SBNO2: variants seen among roughly 807,000 people sequenced by gnomAD.
SBNO2 encodes the protein strawberry notch homolog 2.
Under a neutral mutation model 146.3 loss-of-function variants are expected in SBNO2, and 89 were observed. That is an observed-to-expected ratio of 0.61 (90% CI 0.51 to 0.73). The LOEUF is 0.73. Among genes scored for constraint, SBNO2 ranks in the 30% least tolerant of loss-of-function variants. SBNO2 has a pLI of 0.00. For synonymous variants in SBNO2, 1,147 were observed against 892.6 expected (o/e 1.29, Z -5.08); for missense variants, 2,092 against 2,003.7 (o/e 1.04, Z -0.84).
At chr19:1,141,051 A>ACCCCGGAGAAGAGGCG (rs1568607216) in intron 4 of SBNO2, among the ~76,000 whole-genome samples, 19 of 151,122 alleles carry the variant, frequency 1.3e-4, no homozygotes, top group African/African-American at 2.4e-4. Context: ...GAGAAGACGC[A>ACCCCGGAGAAGAGGCG]CCCCGGAGAA....
In SBNO2 at chr19:1,112,192, A is replaced by C; in HGVS notation, c.2625T>G (p.Ser875Arg). 6.3e-7 allele frequency: 1 copy of C among 1,585,472 alleles called. No homozygotes were observed. The highest frequency in any genetic ancestry group is 8.6e-7 in the Non-Finnish European group (1 of 1,166,038). ...FASIVAKRLE[S>R]LGALTHGDRR... ...AGCCCCACCCCCACCTGCTCACCAG[A>C]CTCTCCAGGCGCTTGGCCACGATGG... Residue 875 changes from serine to arginine, a missense_variant, in exon 22 of 32, where the codon AGT (serine) becomes AGG (arginine). By Grantham distance (110) the Ser-to-Arg change is moderately radical (BLOSUM62 -1). Transcript: ENST00000361757. The surrounding 1 kb of genome is among the most constrained non-coding windows in gnomAD (Gnocchi z 5.9).
At chr19:1,138,573 C>T (rs991243124) in intron 4 of SBNO2, among the ~76,000 whole-genome samples, 3 of 152,058 alleles carry the variant, frequency 2.0e-5, no homozygotes, top group Non-Finnish European at 2.9e-5. Context: ...CCCGTGCTCA[C>T]GGCGGCACAA....
In SBNO2 at chr19:1,114,298, G is replaced by A. The variant is rs1336712514; in HGVS notation, c.2010C>T (p.Ser670=). 6.4e-7 allele frequency: 1 copy of A among 1,554,568 alleles called. No homozygotes were observed. The highest frequency in any genetic ancestry group is 1.4e-5 in the African/African-American group (1 of 73,274). ...CGTCGTCATCCACCAGGGACTCGGG[G>A]GAGGAGTTGAAGTCGCTGTCCAGGC... ...DPGLDSDFNS[S]PESLVDDDVV... Residue 670 remains serine, a synonymous_variant, in exon 18 of 32, where the codon TCC becomes TCT. Transcript: ENST00000361757.
intron 1 of SBNO2, among the ~76,000 whole-genome samples, chr19:1,164,810 AGGAGCAGGAGGAG>A (rs2080392773): frequency 0.022 from 2 of 90 alleles, no homozygotes; most frequent in Admixed American, 0.1. Flanking sequence ...GAGGAGGAGG[AGGAGCAGGAGGAG>A]GGAGGAGGAA....
intron 4 of SBNO2, among the ~76,000 whole-genome samples, chr19:1,142,642 T>C (rs1351005140): frequency 6.6e-6 from 1 of 152,148 alleles, no homozygotes; most frequent in African/African-American, 2.4e-5. Flanking sequence ...ATTGCACCAC[T>C]GCACTCCAGC....
intron 1 of SBNO2, among the ~76,000 whole-genome samples, chr19:1,168,535 C>T (rs1017475917): frequency 6.6e-6 from 1 of 152,348 alleles, no homozygotes; most frequent in Non-Finnish European, 1.5e-5. Flanking sequence ...GTTCCAGGCA[C>T]CCTGGCGGCT....
intron 4 of SBNO2, among the ~76,000 whole-genome samples, chr19:1,135,581 G>A (rs968198440): frequency 4.6e-5 from 7 of 152,310 alleles, no homozygotes; most frequent in African/African-American, 1.7e-4. Flanking sequence ...GGCGCCCCGC[G>A]CCCAGTCCTG....
At position 1,144,915 on chromosome 19, in the gene SBNO2, CAGAGACAG is replaced by C. The variant is rs779443721; in HGVS notation, c.279+2386_279+2393del. On this transcript the variant is annotated intron_variant, in intron 4 of 31. Transcript: ENST00000361757. The surrounding 1 kb of genome is among the most constrained non-coding windows in gnomAD (Gnocchi z 4.1). Reference sequence around the variant, plus strand: ...AGAGAGACAGAGGCGGAGATGGAGACAGAGACAGAGAGACAGAGACAGAGAGGGAGACA... The same window carrying C: ...AGAGAGACAGAGGCGGAGATGGAGACAGAGACAGAGACAGAGAGGGAGACA... 1.6e-5 allele frequency among the ~76,000 whole-genome samples: 2 copies of C among 128,576 alleles called. No homozygotes were observed. The highest frequency in any genetic ancestry group is 2.6e-4 in the South Asian group (1 of 3,880). 84.4% of individuals were successfully genotyped at this position (128,576 alleles called of 152,430 possible). A position where few individuals can be genotyped will look rare whatever the true frequency, so the allele number is the denominator to read the frequency against.
intron 1 of SBNO2, among the ~76,000 whole-genome samples, chr19:1,155,424 G>A (rs992180005): frequency 1.6e-4 from 24 of 152,190 alleles, no homozygotes; most frequent in Non-Finnish European, 2.6e-4. Flanking sequence ...AACTGTCCGC[G>A]GCCTCTGCCT....
chr19:1,123,496 G>A (rs1240120482), intron 7 of SBNO2, 38 bp downstream of exon 7: 2 of 1,576,128 alleles, frequency 1.3e-6, no homozygotes, highest in African/African-American at 2.7e-5. Flanking sequence ...AAAAGGGTTT[G>A]AACCTGTCCC....
At position 1,112,403 on chromosome 19, in the gene SBNO2, G is replaced by T. The variant is rs1256037130; in HGVS notation, c.2514C>A (p.Phe838Leu). The T allele has an allele frequency of 1.2e-6, 2 of 1,601,322 alleles. No individual in the cohort carries two copies. The highest frequency in any genetic ancestry group is 8.5e-7 in the Non-Finnish European group (1 of 1,176,802). ...CGCTGGGGGCGGGGCCGGACTCACC[G>T]AACTGCTGGATGGCGCGGTCGGCGC... Reference protein sequence around the residue: ...PWSADRAIQQFGRTHRSNQVS... With the variant: ...PWSADRAIQQLGRTHRSNQVS... Residue 838 changes from phenylalanine to leucine, a missense_variant and splice_region_variant, in exon 21 of 32, where the codon TTC becomes TTA. By Grantham distance (22) the Phe-to-Leu change is conservative (BLOSUM62 0). Coordinates refer to ENST00000361757, the MANE Select transcript of SBNO2 (RefSeq NM_014963.3). This position sits in a 1 kb window ranked among gnomAD's most constrained non-coding sequence, Gnocchi z 5.9.
Position 1,112,708 on chromosome 19 carries a change from G to T in SBNO2, c.2379+110C>A. On this transcript the variant is annotated intron_variant, in intron 20 of 31. Transcript: ENST00000361757. This position sits in a 1 kb window ranked among gnomAD's most constrained non-coding sequence, Gnocchi z 5.9. ...CACACGGCCACTCGCGCCCGCACCT[G>T]GCACACACACACTCCAGAAGTGCGC... The T allele has an allele frequency of 6.9e-7, 1 of 1,448,662 alleles. No homozygotes were observed. The highest frequency in any genetic ancestry group is 9.1e-7 in the Non-Finnish European group (1 of 1,096,312). 89.7% of individuals were successfully genotyped at this position (1,448,662 alleles called of 1,614,324 possible).
chr19:1,108,417 C>T lies in SBNO2; in HGVS notation c.3904G>A (p.Ala1302Thr). The change falls in exon 32 of 32, where the codon GCC becomes ACC. Residue 1302 changes from alanine to threonine, a missense_variant. Transcript: ENST00000361757. ...ATGTCGCAGCCCTGGTGCGCGAGGGCCGCAGGGTCGGCCTGGGCGTCGGGG... is the reference window on the plus strand; with the variant it reads ...ATGTCGCAGCCCTGGTGCGCGAGGGTCGCAGGGTCGGCCTGGGCGTCGGGG... Reference protein sequence around the residue: ...GTPDAQADPAALAHQGCDINF... With the variant: ...GTPDAQADPATLAHQGCDINF... 2 of 1,269,864 alleles carry T rather than the reference C, an allele frequency of 1.6e-6. No individual in the cohort carries two copies. The highest frequency in any genetic ancestry group is 1.0e-6 in the Non-Finnish European group (1 of 1,002,616). 78.7% of individuals were successfully genotyped at this position (1,269,864 alleles called of 1,614,324 possible). A position where few individuals can be genotyped will look rare whatever the true frequency, so the allele number is the denominator to read the frequency against.
rs746050744 is a variant in SBNO2 at position 1,113,674 on chromosome 19, T to G, written c.2108A>C (p.His703Pro). Residue 703 changes from histidine (H) to proline (P), a missense_variant, in exon 19 of 32, where the codon CAT (histidine) becomes CCT (proline). Transcript: ENST00000361757. ...GPLCLLQRDPHGPGVLERVER... is the reference protein window; with the variant it reads ...GPLCLLQRDPPGPGVLERVER... The stretch of plus-strand genomic sequence containing the variant: ...CACCCGCTCCAGGACCCCGGGGCCA[T>G]GCGGGTCTCTCTGCAGGAGGCACAG... 1 of 1,591,718 alleles carries G rather than the reference T, an allele frequency of 6.3e-7. No individual in the cohort carries two copies. Among genetic ancestry groups the G allele is most frequent in the Non-Finnish European group, 8.5e-7 (1 of 1,170,194 alleles).
rs2079843702 is a variant in SBNO2 at position 1,117,255 on chromosome 19, GGAA to G, written c.1704+65_1704+67del. Reference sequence around the variant, plus strand: ...TCTGGGGAGGGGCCAGGAAGGACCTGGAAGAAGAGCAGCCTCCGCCCCTGCAGG... The same window carrying G: ...TCTGGGGAGGGGCCAGGAAGGACCTGGAAGAGCAGCCTCCGCCCCTGCAGG... On this transcript the variant is annotated intron_variant, in intron 15 of 31. Transcript: ENST00000361757. The G allele has an allele frequency of 2.8e-6, 4 of 1,449,018 alleles. No individual in the cohort carries two copies. The South Asian group carries it at 4.1e-5, about 15-fold the overall frequency. The allele number at this position is 1,449,018 out of a possible 1,614,324, so 89.8% of individuals were successfully genotyped here.
At chr19:1,123,500 C>A in intron 7 of SBNO2, 34 bp downstream of exon 7, 1 of 1,586,628 alleles carries the variant, frequency 6.3e-7, no homozygotes, top group Non-Finnish European at 8.6e-7. Context: ...GGGTTTGAAC[C>A]TGTCCCAGGG....
chr19:1,159,327 G>T (rs1365716411), intron 1 of SBNO2, among the ~76,000 whole-genome samples: 1 of 151,654 alleles, frequency 6.6e-6, no homozygotes, highest in East Asian at 2.0e-4. Flanking sequence ...GGCCGTCTCA[G>T]GTCCTGACCC....
intron 1 of SBNO2, among the ~76,000 whole-genome samples, chr19:1,155,869 G>T (rs1385231508): frequency 1.3e-5 from 2 of 152,150 alleles, no homozygotes; most frequent in Non-Finnish European, 2.9e-5. Context: ...CCCCTCCCCT[G>T]CAGGGACTCC....
chr19:1,133,522 G>A (rs1479208558), intron 4 of SBNO2, among the ~76,000 whole-genome samples: 2 of 152,218 alleles, frequency 1.3e-5, no homozygotes, highest in East Asian at 1.9e-4. Flanking sequence ...ACCAGGCACC[G>A]CAGCAGCGGA....
Sources: allele counts gnomAD v4.1 joint callset (sites outside exome capture counted in the v4.1 genomes callset), GRCh38; gene constraint gnomAD v4.1.1; non-coding constraint Gnocchi (gnomAD v3.1); transcripts MANE v1.5; gene names NCBI Gene and HGNC (gene_info 2026-07-23, HGNC 2026-07-21).